The following ATF7IP2 variants were observed in gnomAD, a reference collection of about 807,000 sequenced individuals.
ATF7IP2 encodes the protein activating transcription factor 7 interacting protein 2, also known as activating transcription factor 7-interacting protein 2.
In ATF7IP2, 42 loss-of-function variants were observed where a neutral mutation model predicts 64.2. That is an observed-to-expected ratio of 0.65 (90% CI 0.51 to 0.85). ATF7IP2 has a LOEUF of 0.85. Among genes scored for constraint, ATF7IP2 ranks in the 40% least tolerant of loss-of-function variants. The pLI is 0.00. For missense variants in ATF7IP2, 933 were observed against 784.2 expected (o/e 1.19, Z -2.27); for synonymous variants, 308 against 272.8 (o/e 1.13, Z -1.27).
At chr16:10,424,904 G>C (rs562090619) in intron 3 of ATF7IP2, among the ~76,000 whole-genome samples, 4 of 152,098 alleles carry the variant, frequency 2.6e-5, no homozygotes, top group African/African-American at 9.7e-5. Flanking sequence ...AAGTTGTTCC[G>C]GCCATTTTGG....
intron 6 of ATF7IP2, among the ~76,000 whole-genome samples, 174 bp downstream of exon 6, chr16:10,433,823 A>C (rs1227294708): frequency 6.6e-6 from 1 of 152,234 alleles, no homozygotes; most frequent in African/African-American, 2.4e-5. Flanking sequence ...TTACATTACC[A>C]AAACAGCTCT....
At chr16:10,396,838 T>TA (rs398028714) in intron 1 of ATF7IP2, among the ~76,000 whole-genome samples, 2 of 151,624 alleles carry the variant, frequency 1.3e-5, no homozygotes, top group Non-Finnish European at 2.9e-5. Flanking sequence ...ATTTTTTTTT[T>TA]AAGATTTTTG....
At chr16:10,399,211 A>G (rs2047479783) in intron 1 of ATF7IP2, among the ~76,000 whole-genome samples, 1 of 152,256 alleles carries the variant, frequency 6.6e-6, no homozygotes, top group Non-Finnish European at 1.5e-5. Flanking sequence ...TATTGTTGAA[A>G]TTCATAAATA....
chr16:10,391,339 T>G (rs1174974703), intron 1 of ATF7IP2, among the ~76,000 whole-genome samples: 1 of 151,616 alleles, frequency 6.6e-6, no homozygotes, highest in Non-Finnish European at 1.5e-5. Flanking sequence ...GAGAATCACT[T>G]GAACCCAGGA....
At chr16:10,439,778 C>A (rs1411618481) in intron 7 of ATF7IP2, among the ~76,000 whole-genome samples, 1 of 151,266 alleles carries the variant, frequency 6.6e-6, no homozygotes, top group East Asian at 2.0e-4. Flanking sequence ...AAGTGATCTG[C>A]CCGCCTCGGC....
At chr16:10,391,520 C>CT (rs1368271039) in intron 1 of ATF7IP2, among the ~76,000 whole-genome samples, 3 of 152,106 alleles carry the variant, frequency 2.0e-5, no homozygotes, top group African/African-American at 7.2e-5. Flanking sequence ...CTCTTTTTGT[C>CT]TTTTTTGTAT....
intron 1 of ATF7IP2, among the ~76,000 whole-genome samples, chr16:10,395,970 A>G (rs970310205): frequency 2.0e-5 from 3 of 151,936 alleles, no homozygotes; most frequent in Non-Finnish European, 4.4e-5. Flanking sequence ...TTGGAAAGGG[A>G]GAAGTAAAAT....
intron 8 of ATF7IP2, among the ~76,000 whole-genome samples, chr16:10,444,206 G>A (rs575082629): frequency 1.2e-4 from 18 of 152,192 alleles, no homozygotes; most frequent in Non-Finnish European, 1.9e-4. Flanking sequence ...GGTAGCTAAC[G>A]AAAGAAAGAG....
intron 2 of ATF7IP2, among the ~76,000 whole-genome samples, chr16:10,417,213 A>C (rs577746245): frequency 1.3e-5 from 2 of 152,198 alleles, no homozygotes; most frequent in Non-Finnish European, 2.9e-5. Context: ...ATGTGACAGG[A>C]TCAAAACCTC....
chr16:10,423,019 CAGAT>C (rs1326318862), intron 3 of ATF7IP2, among the ~76,000 whole-genome samples: 1 of 152,170 alleles, frequency 6.6e-6, no homozygotes, highest in Admixed American at 6.5e-5. Flanking sequence ...CCGAGGCAGG[CAGAT>C]CACGAGGTCA....
chr16:10,470,943 A>C (rs546933473), intron 9 of ATF7IP2, among the ~76,000 whole-genome samples: 15 of 151,982 alleles, frequency 9.9e-5, no homozygotes, highest in African/African-American at 3.1e-4. Flanking sequence ...AGAAGACTAC[A>C]CTATCTTTGT....
intron 1 of ATF7IP2, among the ~76,000 whole-genome samples, chr16:10,390,995 G>A (rs1424284596): frequency 2.0e-5 from 3 of 151,586 alleles, no homozygotes; most frequent in East Asian, 3.9e-4. Context: ...AGACCCCATC[G>A]CTATGAAAAA....
At chr16:10,472,957 T>G (rs1350426887) in intron 10 of ATF7IP2, among the ~76,000 whole-genome samples, 2 of 152,150 alleles carry the variant, frequency 1.3e-5, no homozygotes, top group African/African-American at 4.8e-5. Context: ...TTATTCAAAA[T>G]TCCCCATTTT....
At chr16:10,478,833 A>G (rs1227133130) in intron 12 of ATF7IP2, among the ~76,000 whole-genome samples, 1 of 152,160 alleles carries the variant, frequency 6.6e-6, no homozygotes, top group Non-Finnish European at 1.5e-5. Context: ...ATCAAAAAGT[A>G]GGCGAAGGAC....
At chr16:10,414,189 C>T (rs955492894) in intron 1 of ATF7IP2, among the ~76,000 whole-genome samples, 4 of 152,134 alleles carry the variant, frequency 2.6e-5, no homozygotes, top group Non-Finnish European at 5.9e-5. Context: ...CTAAACTTTT[C>T]GCTTTCTCTT....
At chr16:10,423,754 T>G (rs2048031719) in intron 3 of ATF7IP2, among the ~76,000 whole-genome samples, 1 of 152,168 alleles carries the variant, frequency 6.6e-6, no homozygotes, top group Non-Finnish European at 1.5e-5. Flanking sequence ...TACACCCTCC[T>G]TCCTCCTCCT....
chr16:10,476,517 G>A (rs896262615), intron 12 of ATF7IP2, among the ~76,000 whole-genome samples: 1 of 151,634 alleles, frequency 6.6e-6, no homozygotes, highest in Non-Finnish European at 1.5e-5. Flanking sequence ...TAAACTTTAT[G>A]TTCTGGGGTA....
intron 9 of ATF7IP2, among the ~76,000 whole-genome samples, chr16:10,470,332 C>A (rs2049745627): frequency 1.3e-5 from 2 of 152,060 alleles, no homozygotes; most frequent in African/African-American, 4.8e-5. Flanking sequence ...AAACCAAAAC[C>A]ACCTAACCTA....
chr16:10,406,495 A>G (rs1056530681), intron 1 of ATF7IP2, among the ~76,000 whole-genome samples: 2 of 152,214 alleles, frequency 1.3e-5, no homozygotes, highest in Non-Finnish European at 2.9e-5. Context: ...AAAAGAAGTA[A>G]TAAAGATCAT....
Sources: gnomAD v4.1 joint callset for allele counts (sites outside exome capture counted in the v4.1 genomes callset) on GRCh38, gnomAD v4.1.1 for gene constraint, MANE v1.5 for transcripts, NCBI Gene and HGNC (gene_info 2026-07-23, HGNC 2026-07-21) for gene names.